UNC5C: variants seen among roughly 807,000 people sequenced by gnomAD.
UNC5C encodes netrin receptor UNC5C.
Under a neutral mutation model 99.8 loss-of-function variants are expected in UNC5C, and 47 were observed. The observed-to-expected ratio is 0.47, with a 90% confidence interval of 0.37 to 0.60. The LOEUF (loss-of-function observed/expected upper bound fraction) is 0.60, where lower values mean the gene tolerates loss of function less well. UNC5C is among the 20% of genes least tolerant of loss of function. UNC5C has a pLI of 0.00. For missense variants in UNC5C, 1,062 were observed against 1,165.9 expected, an observed-to-expected ratio of 0.91 and a Z score of 1.30; for synonymous variants, 487 against 452.2, an observed-to-expected ratio of 1.08 and a Z score of -0.98.
intron 7 of UNC5C, among the ~76,000 whole-genome samples, chr4:95,234,169 A>C (rs1739014110): frequency 6.6e-6 from 1 of 152,040 alleles, no homozygotes; most frequent in African/African-American, 2.4e-5. Flanking sequence ...ATATATTGTA[A>C]AATGTGGGGG....
chr4:95,212,426 G>A (rs575559989), intron 10 of UNC5C, among the ~76,000 whole-genome samples: 111 of 152,040 alleles, frequency 7.3e-4, no homozygotes, highest in African/African-American at 2.6e-3. Context: ...ACAAACCTTC[G>A]TACTTTCATT....
chr4:95,335,290 CT>C, intron 2 of UNC5C, 119 bp downstream of exon 2: 5 of 987,068 alleles, frequency 5.1e-6, no homozygotes, highest in Non-Finnish European at 7.3e-6. Context: ...CAATTCAAAA[CT>C]TTTTGTCAGA....
At chr4:95,176,532 G>C (rs1313723298) in intron 14 of UNC5C, among the ~76,000 whole-genome samples, 1 of 151,852 alleles carries the variant, frequency 6.6e-6, no homozygotes, top group Non-Finnish European at 1.5e-5. Context: ...CCTGCTGGGG[G>C]GTGCCTCCCA....
At chr4:95,394,639 A>G (rs2149446238) in intron 1 of UNC5C, among the ~76,000 whole-genome samples, 1 of 125,552 alleles carries the variant, frequency 8.0e-6, no homozygotes, top group African/African-American at 3.5e-5. Context: ...ATCTGCTATG[A>G]AAAGGTATTT....
At chr4:95,353,373 T>G (rs1057252051) in intron 1 of UNC5C, among the ~76,000 whole-genome samples, 4 of 152,018 alleles carry the variant, frequency 2.6e-5, no homozygotes, top group African/African-American at 9.7e-5. Flanking sequence ...ATTACCTGAA[T>G]ATAATCTAAC....
intron 2 of UNC5C, among the ~76,000 whole-genome samples, chr4:95,329,854 G>A (rs76788450): frequency 0.031 from 4,675 of 152,102 alleles, 105 homozygotes; most frequent in Non-Finnish European, 0.051. Context: ...TAATTTAAAA[G>A]ACTATGCCCA....
intron 1 of UNC5C, among the ~76,000 whole-genome samples, chr4:95,487,515 G>T (rs2149480211): frequency 2.0e-5 from 2 of 100,876 alleles, no homozygotes; most frequent in Admixed American, 9.9e-5. Flanking sequence ...AAATAAAACT[G>T]CTTTTTGCCT....
chr4:95,203,993 TG>T, intron 11 of UNC5C, among the ~76,000 whole-genome samples: 1 of 150,982 alleles, frequency 6.6e-6, no homozygotes, highest in Non-Finnish European at 1.5e-5. Flanking sequence ...TGGTACTTGG[TG>T]TCAGGGAGCT....
chr4:95,287,361 C>T (rs571142300), intron 3 of UNC5C, among the ~76,000 whole-genome samples: 2 of 152,288 alleles, frequency 1.3e-5, no homozygotes, highest in East Asian at 1.9e-4. Flanking sequence ...TGAAAAGACA[C>T]TTTGCAGTCA....
chr4:95,237,667 T>C (rs1177553183), intron 7 of UNC5C, among the ~76,000 whole-genome samples: 5 of 152,180 alleles, frequency 3.3e-5, no homozygotes, highest in Non-Finnish European at 1.5e-5. Context: ...ATCTCTAATA[T>C]ATATTACTTA....
intron 4 of UNC5C, among the ~76,000 whole-genome samples, chr4:95,277,225 C>T (rs1267365860): frequency 6.6e-6 from 1 of 152,108 alleles, no homozygotes; most frequent in African/African-American, 2.4e-5. Context: ...ATACATTGAA[C>T]CCATATATAG....
chr4:95,543,468 T>C (rs115790177), intron 1 of UNC5C, among the ~76,000 whole-genome samples: 101 of 152,336 alleles, frequency 6.6e-4, no homozygotes, highest in African/African-American at 2.4e-3. Flanking sequence ...AAACTTCCTA[T>C]TGCAAATATA....
Position 95,459,712 on chromosome 4 carries a change from C to T in UNC5C, c.124+89022G>A, listed in dbSNP as rs1747545565. On this transcript the variant is annotated intron_variant, in intron 1 of 15. Coordinates refer to ENST00000453304, the MANE Select transcript of UNC5C (RefSeq NM_003728.4). The stretch of plus-strand genomic sequence containing the variant: ...CAGTTAGTATAGGTTCCAACTTCTT[C>T]AAAACAGGGAGACTTGAATGTCATT... Among the ~76,000 whole-genome samples, 3 of 152,116 alleles carry T rather than the reference C, an allele frequency of 2.0e-5. No homozygotes were observed. In the South Asian group the frequency reaches 6.2e-4, roughly 32 times the overall value.
intron 1 of UNC5C, among the ~76,000 whole-genome samples, chr4:95,517,822 T>G (rs1193668774): frequency 6.6e-6 from 1 of 152,170 alleles, no homozygotes; most frequent in Non-Finnish European, 1.5e-5. Context: ...TTTAGCACTG[T>G]TTCTAAACAC....
At chr4:95,433,909 C>G (rs1746702423) in intron 1 of UNC5C, among the ~76,000 whole-genome samples, 1 of 152,048 alleles carries the variant, frequency 6.6e-6, no homozygotes, top group Non-Finnish European at 1.5e-5. Flanking sequence ...TTGATGCCTT[C>G]ACAGCCTGTG....
At chr4:95,230,099 C>G (rs1322465397) in intron 7 of UNC5C, among the ~76,000 whole-genome samples, 1 of 152,092 alleles carries the variant, frequency 6.6e-6, no homozygotes, top group Non-Finnish European at 1.5e-5. Flanking sequence ...GTGTGAGCCA[C>G]TGTGCCCAGC....
At chr4:95,479,890 A>G (rs999002131) in intron 1 of UNC5C, among the ~76,000 whole-genome samples, 1 of 151,956 alleles carries the variant, frequency 6.6e-6, no homozygotes, top group African/African-American at 2.4e-5. Context: ...TGTCTTTTCC[A>G]TAGAGAACGG....
At chr4:95,502,655 A>G (rs1300641910) in intron 1 of UNC5C, among the ~76,000 whole-genome samples, 1 of 152,194 alleles carries the variant, frequency 6.6e-6, no homozygotes, top group African/African-American at 2.4e-5. Flanking sequence ...TGCTCAGCAC[A>G]GGCTTGACAC....
At chr4:95,520,140 C>T (rs1184936856) in intron 1 of UNC5C, among the ~76,000 whole-genome samples, 2 of 152,162 alleles carry the variant, frequency 1.3e-5, no homozygotes, top group Admixed American at 6.5e-5. Flanking sequence ...CTTATCAAGT[C>T]TCTAAATACT....
Sources: allele counts gnomAD v4.1 joint callset (sites outside exome capture counted in the v4.1 genomes callset), GRCh38; gene constraint gnomAD v4.1.1; transcripts MANE v1.5; gene names NCBI Gene and HGNC (gene_info 2026-07-23, HGNC 2026-07-21).